The following DDX19B variants were observed in gnomAD, a reference collection of about 807,000 sequenced individuals.
DDX19B encodes the protein ATP-dependent RNA helicase DDX19B.
In DDX19B, 27 loss-of-function variants were observed where a neutral mutation model predicts 58.1. That is an observed-to-expected ratio of 0.46 (90% CI 0.34 to 0.64). The LOEUF (loss-of-function observed/expected upper bound fraction) is 0.64. Among genes scored for constraint, DDX19B ranks in the 30% least tolerant of loss-of-function variants. The pLI is 0.01. For missense variants in DDX19B, 399 were observed against 596.5 expected (o/e 0.67, Z 3.45); for synonymous variants, 187 against 214.4 (o/e 0.87, Z 1.12).
intron 7 of DDX19B, among the ~76,000 whole-genome samples, chr16:70,326,355 T>TA (rs547568410): frequency 3.9e-5 from 6 of 152,016 alleles, no homozygotes; most frequent in Non-Finnish European, 8.8e-5. Context: ...CGGGCACCTG[T>TA]AGTCCCAGCT....
chr16:70,311,163 G>A (rs2152193830), intron 1 of DDX19B, among the ~76,000 whole-genome samples: 1 of 151,724 alleles, frequency 6.6e-6, no homozygotes, highest in Admixed American at 6.6e-5. Flanking sequence ...CACGAGGTCA[G>A]GAGATCAAGA....
At chr16:70,311,435 C>T (rs1471324918) in intron 1 of DDX19B, among the ~76,000 whole-genome samples, 1 of 152,098 alleles carries the variant, frequency 6.6e-6, no homozygotes, top group African/African-American at 2.4e-5. Flanking sequence ...CTCTGTACTA[C>T]ATCCAAAGGC....
chr16:70,312,183 C>T (rs1257911062), intron 1 of DDX19B, among the ~76,000 whole-genome samples: 1 of 152,116 alleles, frequency 6.6e-6, no homozygotes, highest in Non-Finnish European at 1.5e-5. Flanking sequence ...CAGTGTTCTC[C>T]AAAGTATGAC....
intron 1 of DDX19B, among the ~76,000 whole-genome samples, chr16:70,309,320 C>T (rs1961952357): frequency 6.6e-6 from 1 of 150,820 alleles, no homozygotes; most frequent in African/African-American, 2.4e-5. Context: ...ACGGTGAAAC[C>T]CCGTCTCTAC....
chr16:70,308,182 A>T (rs951542183), intron 1 of DDX19B, among the ~76,000 whole-genome samples: 19 of 151,850 alleles, frequency 1.3e-4, no homozygotes, highest in African/African-American at 4.3e-4. Context: ...CGAACTCCTG[A>T]CCTCAGGTGA....
intron 1 of DDX19B, among the ~76,000 whole-genome samples, chr16:70,308,764 C>A (rs190896046): frequency 6.6e-6 from 1 of 151,984 alleles, no homozygotes; most frequent in East Asian, 1.9e-4. Flanking sequence ...CCTCCCATTT[C>A]AGCCTCCCAA....
chr16:70,325,157 CCTGTTTCCTTT>C (rs1963076321), intron 6 of DDX19B, among the ~76,000 whole-genome samples: 1 of 152,182 alleles, frequency 6.6e-6, no homozygotes, highest in Non-Finnish European at 1.5e-5. Flanking sequence ...CAATAAAAAT[CCTGTTTCCTTT>C]TTCCATGGTG....
rs1178747472 is a variant in DDX19B, at chr16:70,299,333, G to T, written c.36G>T (p.Glu12Asp). Residue 12 changes from glutamate (E) to aspartate (D), a missense_variant, in exon 1 of 12, where the codon GAG becomes GAT. By Grantham distance (45) the Glu-to-Asp change is conservative. Coordinates refer to ENST00000288071, the MANE Select transcript of DDX19B (RefSeq NM_007242.7). Reference protein sequence around the residue: ...ATDSWALAVDEQEAAAESLSN... With the variant: ...ATDSWALAVDDQEAAAESLSN... The stretch of plus-strand genomic sequence containing the variant: ...ACTCATGGGCCCTGGCGGTGGACGA[G>T]CAGGAAGCTGCGGCTGAGTCGGTGA... 6.2e-7 allele frequency: 1 copy of T among 1,608,980 alleles called. No individual in the cohort carries two copies. Among genetic ancestry groups the T allele is most frequent in the South Asian group, 1.1e-5 (1 of 90,062 alleles).
At chr16:70,301,407 G>A (rs548360178) in intron 1 of DDX19B, among the ~76,000 whole-genome samples, 1 of 152,238 alleles carries the variant, frequency 6.6e-6, no homozygotes, top group East Asian at 1.9e-4. Flanking sequence ...TTGTTGAAAT[G>A]TTTGAGACCA....
chr16:70,314,533 G>A (rs1031468274), intron 2 of DDX19B, among the ~76,000 whole-genome samples: 48 of 151,976 alleles, frequency 3.2e-4, no homozygotes, highest in African/African-American at 1.0e-3. Flanking sequence ...GCGTGGTGGC[G>A]GGTGCCTGTA....
intron 7 of DDX19B, 69 bp from the exon 8 acceptor site, chr16:70,329,223 A>C (rs1161071650): frequency 2.3e-4 from 33 of 144,566 alleles, no homozygotes; most frequent in Middle Eastern, 1.5e-3. Flanking sequence ...ACTCTGTCTC[A>C]AAAAAAAAAA....
intron 1 of DDX19B, among the ~76,000 whole-genome samples, chr16:70,305,984 C>T (rs1166935715): frequency 6.6e-6 from 1 of 151,942 alleles, no homozygotes; most frequent in Non-Finnish European, 1.5e-5. Context: ...AGGATGGTCT[C>T]GATCTTCTGA....
At chr16:70,301,236 G>A (rs894272151) in intron 1 of DDX19B, among the ~76,000 whole-genome samples, 13 of 152,078 alleles carry the variant, frequency 8.5e-5, no homozygotes, top group Non-Finnish European at 5.9e-5. Context: ...GGAGGTGTAC[G>A]GGAAGTAAAT....
chr16:70,298,661 C>T (rs1157698429), upstream of DDX19B, among the ~76,000 whole-genome samples: 1 of 151,810 alleles, frequency 6.6e-6, no homozygotes, highest in Non-Finnish European at 1.5e-5. Flanking sequence ...CTGTTTTCTT[C>T]CTTTTTAACA....
At chr16:70,330,249 A>G (rs1963416493) in intron 9 of DDX19B, among the ~76,000 whole-genome samples, 181 bp downstream of exon 9, 2 of 152,166 alleles carry the variant, frequency 1.3e-5, no homozygotes, top group African/African-American at 4.8e-5. Flanking sequence ...ACTTGGAGAA[A>G]ACCCCAAGTA....
chr16:70,328,719 T>C (rs1963309733), intron 7 of DDX19B, among the ~76,000 whole-genome samples: 1 of 152,150 alleles, frequency 6.6e-6, no homozygotes, highest in African/African-American at 2.4e-5. Context: ...CACATTGTGC[T>C]ATCAAATGCT....
At chr16:70,323,698 GCAGGCATGAGCCA>G (rs1292202643) in intron 5 of DDX19B, among the ~76,000 whole-genome samples, 1 of 151,952 alleles carries the variant, frequency 6.6e-6, no homozygotes, top group Non-Finnish European at 1.5e-5. Flanking sequence ...TTCTGGGATT[GCAGGCATGAGCCA>G]CCGCGCCTGG....
intron 9 of DDX19B, among the ~76,000 whole-genome samples, chr16:70,330,899 G>C (rs1174863811): frequency 1.3e-5 from 2 of 151,966 alleles, no homozygotes; most frequent in Non-Finnish European, 2.9e-5. Flanking sequence ...TTAAAAATTA[G>C]CCAGGCGTGG....
At chr16:70,324,475 G>A (rs543670836) in intron 5 of DDX19B, 110 bp from the exon 6 acceptor site, 1 of 889,096 alleles carries the variant, frequency 1.1e-6, no homozygotes, top group Non-Finnish European at 1.8e-6. Flanking sequence ...ATGTAACTCT[G>A]CTACATAATC....
Sources: allele counts gnomAD v4.1 joint callset (sites outside exome capture counted in the v4.1 genomes callset), GRCh38; gene constraint gnomAD v4.1.1; transcripts MANE v1.5; gene names NCBI Gene and HGNC (gene_info 2026-07-23, HGNC 2026-07-21).